Variants in PRKCE observed in about 807,000 individuals in gnomAD.
The protein encoded by PRKCE is protein kinase C epsilon type.
In PRKCE, 16 loss-of-function variants were observed where a neutral mutation model predicts 85.4. The observed-to-expected ratio is 0.19, with a 90% CI of 0.13 to 0.28. The LOEUF (loss-of-function observed/expected upper bound fraction) is 0.28. Among genes scored for constraint, PRKCE ranks in the 10% least tolerant of loss-of-function variants. The pLI, the probability that PRKCE is intolerant of heterozygous loss-of-function variation, is 1.00. For missense variants in PRKCE, 573 were observed against 975.2 expected (o/e 0.59, Z 5.49); for synonymous variants, 388 against 371.5 (o/e 1.04, Z -0.51).
At chr2:45,911,403 G>A (rs941146778) in intron 2 of PRKCE, among the ~76,000 whole-genome samples, 2 of 152,218 alleles carry the variant, frequency 1.3e-5, no homozygotes, top group African/African-American at 4.8e-5. Flanking sequence ...CATTATGCAT[G>A]CAGAGCATTG....
At chr2:45,930,854 G>C (rs1698993317) in intron 2 of PRKCE, among the ~76,000 whole-genome samples, 1 of 152,116 alleles carries the variant, frequency 6.6e-6, no homozygotes, top group Admixed American at 6.5e-5. Context: ...CCTAAGAGTT[G>C]GCTTTAGGAA....
At chr2:45,890,545 A>G (rs945935325) in intron 2 of PRKCE, among the ~76,000 whole-genome samples, 9 of 151,714 alleles carry the variant, frequency 5.9e-5, no homozygotes, top group African/African-American at 2.2e-4. Context: ...ACACCTGGCT[A>G]ATTTTTATAT....
At chr2:45,764,612 G>A (rs915562264) in intron 1 of PRKCE, among the ~76,000 whole-genome samples, 1 of 152,164 alleles carries the variant, frequency 6.6e-6, no homozygotes, top group Admixed American at 6.5e-5. Context: ...GTAGGTGACA[G>A]CAGGTTTCAG....
intron 1 of PRKCE, among the ~76,000 whole-genome samples, chr2:45,798,393 C>T (rs975127507): frequency 1.3e-5 from 2 of 152,170 alleles, no homozygotes; most frequent in Non-Finnish European, 2.9e-5. Context: ...CACCAAAACA[C>T]GTTGCCTCCT....
At position 45,652,611 on chromosome 2, in the gene PRKCE, G is replaced by A. The variant is rs1415208891; in HGVS notation, c.348+163G>A. Among the ~76,000 whole-genome samples the A allele has an allele frequency of 6.6e-6, 1 of 152,190 alleles. No individual in the cohort carries two copies. Among genetic ancestry groups the A allele is most frequent in the Non-Finnish European group, 1.5e-5 (1 of 68,042 alleles). On this transcript the variant is annotated intron_variant, in intron 1 of 14. Transcript: ENST00000306156. This position sits in a 1 kb window ranked among gnomAD's most constrained non-coding sequence, Gnocchi z 7.7. ...GAGGTACACTTCACTTCATAGTTGG[G>A]GAGAAACAGGCATTGGCGAGGAAGA... is the stretch of plus-strand genomic sequence containing the variant.
At chr2:45,721,959 C>G (rs1328262029) in intron 1 of PRKCE, among the ~76,000 whole-genome samples, 16 of 150,590 alleles carry the variant, frequency 1.1e-4, no homozygotes, top group Admixed American at 9.2e-4. Context: ...ACTTTTGGGT[C>G]TCAAGATCAA....
intron 6 of PRKCE, among the ~76,000 whole-genome samples, chr2:45,986,474 G>T (rs1452699817): frequency 6.6e-6 from 1 of 152,192 alleles, no homozygotes; most frequent in African/African-American, 2.4e-5. Context: ...TCCCCAGATG[G>T]AGGGCAAGCC....
chr2:45,850,870 A>C (rs111838472), intron 2 of PRKCE, among the ~76,000 whole-genome samples: 2 of 152,192 alleles, frequency 1.3e-5, no homozygotes, highest in African/African-American at 2.4e-5. Context: ...AGTTGGAAGC[A>C]TCATTTATTT....
intron 6 of PRKCE, among the ~76,000 whole-genome samples, chr2:45,992,102 G>C (rs1703846972): frequency 6.6e-6 from 1 of 152,186 alleles, no homozygotes; most frequent in Non-Finnish European, 1.5e-5. Context: ...CGATAATTCA[G>C]GCATTGAGTC....
intron 11 of PRKCE, among the ~76,000 whole-genome samples, chr2:46,137,108 T>C (rs1675078091): frequency 6.6e-6 from 1 of 152,212 alleles, no homozygotes; most frequent in East Asian, 1.9e-4. Flanking sequence ...GGCACTGTGC[T>C]AGCACTTTCG....
At chr2:45,707,823 C>T (rs1024294776) in intron 1 of PRKCE, among the ~76,000 whole-genome samples, 4 of 152,230 alleles carry the variant, frequency 2.6e-5, no homozygotes, top group African/African-American at 9.6e-5. Context: ...ATGGAAGGAG[C>T]GATGGCTCTG....
chr2:45,860,845 C>G (rs977284863), intron 2 of PRKCE, among the ~76,000 whole-genome samples: 1 of 152,168 alleles, frequency 6.6e-6, no homozygotes, highest in Admixed American at 6.5e-5. Context: ...AGTGGAACAT[C>G]TGGAAAGCCT....
intron 2 of PRKCE, among the ~76,000 whole-genome samples, chr2:45,910,390 C>A (rs1205141330): frequency 6.6e-6 from 1 of 152,164 alleles, no homozygotes; most frequent in East Asian, 1.9e-4. Context: ...AAACACTTGC[C>A]ATCCAGTGGG....
intron 10 of PRKCE, among the ~76,000 whole-genome samples, chr2:46,070,598 A>G (rs1039108744): frequency 6.6e-6 from 1 of 151,976 alleles, no homozygotes; most frequent in Non-Finnish European, 1.5e-5. Flanking sequence ...AGCTGAGATC[A>G]TGCCACTGCA....
intron 1 of PRKCE, among the ~76,000 whole-genome samples, chr2:45,817,956 C>T (rs1450770901): frequency 6.6e-6 from 1 of 152,220 alleles, no homozygotes; most frequent in Non-Finnish European, 1.5e-5. Context: ...AACCATCAGA[C>T]CAGGCTCAGT....
At chr2:45,990,528 G>T (rs549405128) in intron 6 of PRKCE, among the ~76,000 whole-genome samples, 11 of 152,212 alleles carry the variant, frequency 7.2e-5, no homozygotes, top group African/African-American at 2.6e-4. Context: ...CCTCACAAAT[G>T]CAATCGTCTT....
chr2:45,968,269 C>T (rs1701867969), intron 2 of PRKCE, among the ~76,000 whole-genome samples: 1 of 145,712 alleles, frequency 6.9e-6, no homozygotes. Context: ...ACACACACAC[C>T]ATGGAATACT....
intron 10 of PRKCE, among the ~76,000 whole-genome samples, chr2:46,057,841 C>T (rs965458809): frequency 3.9e-5 from 6 of 152,168 alleles, no homozygotes; most frequent in African/African-American, 1.4e-4. Flanking sequence ...CCTCACCAAG[C>T]TGTTGTGAGG....
At chr2:45,662,024 AC>A (rs1268044959) in intron 1 of PRKCE, among the ~76,000 whole-genome samples, 1 of 151,600 alleles carries the variant, frequency 6.6e-6, no homozygotes, top group African/African-American at 2.4e-5. Flanking sequence ...GTCCCCCTCT[AC>A]CCCCCTTTAG....
Sources: allele counts gnomAD v4.1 joint callset (sites outside exome capture counted in the v4.1 genomes callset), GRCh38; gene constraint gnomAD v4.1.1; non-coding constraint Gnocchi (gnomAD v3.1); transcripts MANE v1.5; gene names NCBI Gene and HGNC (gene_info 2026-07-23, HGNC 2026-07-21).